EXOC6: variants seen among roughly 807,000 people sequenced by gnomAD.
EXOC6 encodes exocyst complex component 6.
EXOC6 carries 60 observed loss-of-function variants against 112.5 expected under a neutral mutation model. The observed-to-expected ratio is 0.53, with a 90% CI of 0.43 to 0.66. The LOEUF (loss-of-function observed/expected upper bound fraction) is 0.66, where lower values mean the gene tolerates loss of function less well. Among genes scored for constraint, EXOC6 ranks in the 30% least tolerant of loss-of-function variants. The pLI is 0.00. For missense variants in EXOC6, 855 were observed against 957.1 expected (o/e 0.89, Z 1.41); for synonymous variants, 295 against 308.0 (o/e 0.96, Z 0.44).
chr10:92,954,019 G>T (rs1015108717), intron 15 of EXOC6, among the ~76,000 whole-genome samples: 1 of 152,140 alleles, frequency 6.6e-6, no homozygotes, highest in Non-Finnish European at 1.5e-5. Context: ...GGTGCCTGAC[G>T]TCTGTAATCC....
chr10:92,994,065 C>A (rs1353626708), intron 18 of EXOC6, among the ~76,000 whole-genome samples: 3 of 152,224 alleles, frequency 2.0e-5, no homozygotes, highest in Admixed American at 2.0e-4. Flanking sequence ...AGTCTGACAT[C>A]AGGTCTTTGA....
intron 20 of EXOC6, among the ~76,000 whole-genome samples, chr10:93,039,736 T>C (rs1441188692): frequency 1.3e-5 from 2 of 152,238 alleles, no homozygotes; most frequent in Non-Finnish European, 2.9e-5. Context: ...TTTTCCTGTT[T>C]CATTCACTCC....
intron 20 of EXOC6, among the ~76,000 whole-genome samples, chr10:93,024,107 A>G (rs1251576534): frequency 6.6e-6 from 1 of 152,170 alleles, no homozygotes; most frequent in African/African-American, 2.4e-5. Context: ...TCTTTAACTG[A>G]TCCTGTTGCA....
In EXOC6 at chr10:92,896,196, T is replaced by A. The variant is rs1472320806; in HGVS notation, c.412+1176T>A. Among the ~76,000 whole-genome samples, 96 of 24,918 alleles carry A rather than the reference T, an allele frequency of 3.9e-3. 3 individuals are homozygous for A. Among genetic ancestry groups the A allele is most frequent in the Non-Finnish European group, 4.8e-3 (66 of 13,708 alleles). 16.3% of individuals were successfully genotyped at this position (24,918 alleles called of 152,430 possible). On this transcript the variant is annotated intron_variant, in intron 4 of 21. Coordinates refer to ENST00000260762, the MANE Select transcript of EXOC6 (RefSeq NM_019053.6). ...ATATATATATATTTTTTTTTTTTTT[T>A]TTTTTTTTTTTTTTTTTTTTTGGCG... is the stretch of plus-strand genomic sequence containing the variant.
At chr10:92,931,321 CAG>C (rs1333238989) in intron 9 of EXOC6, among the ~76,000 whole-genome samples, 2 of 150,050 alleles carry the variant, frequency 1.3e-5, no homozygotes, top group African/African-American at 4.9e-5. Context: ...CTAGAATAAA[CAG>C]AAAATAGAAC....
intron 4 of EXOC6, 93 bp from the exon 5 acceptor site, chr10:92,899,506 T>C (rs534694948): frequency 1.6e-5 from 13 of 832,220 alleles, no homozygotes; most frequent in African/African-American, 1.6e-4. Context: ...TCTAATGAAT[T>C]TGTAATATAC....
chr10:92,829,082 C>G (rs1210828875), intron 1 of EXOC6, among the ~76,000 whole-genome samples: 1 of 152,052 alleles, frequency 6.6e-6, no homozygotes, highest in South Asian at 2.1e-4. Context: ...TAGGGAAAGG[C>G]CACCTGGGAC....
chr10:92,969,637 T>C (rs1842202515), intron 17 of EXOC6, among the ~76,000 whole-genome samples: 1 of 152,158 alleles, frequency 6.6e-6, no homozygotes, highest in African/African-American at 2.4e-5. Flanking sequence ...ATGTAGTTAG[T>C]ATTAATTTGT....
chr10:92,948,573 C>CACTACCACTACTACT (rs1554900788), intron 14 of EXOC6, among the ~76,000 whole-genome samples, 194 bp downstream of exon 14: 2 of 140,174 alleles, frequency 1.4e-5, no homozygotes, highest in Admixed American at 7.4e-5. Flanking sequence ...CTACTACTAC[C>CACTACCACTACTACT]ACTACTACTA....
rs1488636044 is a variant in EXOC6 at position 93,017,199 on chromosome 10, G to C, written c.2169+2932G>C. ...TCTCCTCAAAAAGCAGTTTACAATT[G>C]GCTACAGTCCAAAATTTGCTTCTTG... On this transcript the variant is annotated intron_variant, in intron 20 of 21. Transcript: ENST00000260762. Among the ~76,000 whole-genome samples the C allele has an allele frequency of 2.6e-5, 4 of 151,910 alleles. No homozygotes were observed. In the East Asian group the frequency reaches 7.7e-4, roughly 29 times the overall value.
At chr10:92,966,477 C>T (rs1842063630) in intron 17 of EXOC6, among the ~76,000 whole-genome samples, 1 of 134,956 alleles carries the variant, frequency 7.4e-6, no homozygotes, top group Non-Finnish European at 1.6e-5. Context: ...GTGATGTTCC[C>T]CTTCCTGTGT....
chr10:92,981,993 A>G (rs1842842409), intron 18 of EXOC6, among the ~76,000 whole-genome samples: 1 of 151,970 alleles, frequency 6.6e-6, no homozygotes, highest in African/African-American at 2.4e-5. Context: ...GCACATGCCT[A>G]TAATCCCAGC....
chr10:92,880,220 C>T (rs1465779225), intron 1 of EXOC6, among the ~76,000 whole-genome samples: 2 of 152,166 alleles, frequency 1.3e-5, no homozygotes, highest in African/African-American at 2.4e-5. Context: ...TGTACTTTGT[C>T]ATCTCTAGAT....
At chr10:92,977,720 A>G (rs11187232) in intron 18 of EXOC6, among the ~76,000 whole-genome samples, 14,409 of 152,092 alleles carry the variant, frequency 0.095, 759 homozygotes, top group Admixed American at 0.17. Context: ...TTATGTTTTA[A>G]TATCTGTGTC....
chr10:92,939,751 G>A lies in EXOC6; in HGVS notation c.1213-976G>A, dbSNP rs780914192. Among the ~76,000 whole-genome samples the A allele has an allele frequency of 6.4e-4, 98 of 152,130 alleles. 1 individual carries two copies. The highest frequency in any genetic ancestry group is 4.3e-3 in the Admixed American group (65 of 15,274). On this transcript the variant is annotated intron_variant, in intron 12 of 21. Coordinates refer to ENST00000260762, the MANE Select transcript of EXOC6 (RefSeq NM_019053.6). The stretch of plus-strand genomic sequence containing the variant: ...AGAAGTTACACAAGGAAACTGGAAG[G>A]ATTGTTCATAGATGGAGAACAAGAA...
At chr10:92,897,081 C>G (rs1849867473) in intron 4 of EXOC6, among the ~76,000 whole-genome samples, 1 of 152,090 alleles carries the variant, frequency 6.6e-6, no homozygotes, top group Admixed American at 6.6e-5. Context: ...TGAAGATGTC[C>G]TCTAAGTTTG....
At chr10:92,851,945 G>A (rs1164401057) in intron 1 of EXOC6, among the ~76,000 whole-genome samples, 1 of 152,078 alleles carries the variant, frequency 6.6e-6, no homozygotes, top group Non-Finnish European at 1.5e-5. Flanking sequence ...GTGTGTGCCT[G>A]TGGTCCCAGC....
chr10:93,034,399 A>G (rs1433798609), intron 20 of EXOC6, among the ~76,000 whole-genome samples: 1 of 152,144 alleles, frequency 6.6e-6, no homozygotes, highest in Non-Finnish European at 1.5e-5. Context: ...TTATCCTTTT[A>G]TACATGGCCT....
Position 92,837,280 on chromosome 10 carries a change from C to T in EXOC6, c.86+2456C>T, listed in dbSNP as rs373131041. Among the ~76,000 whole-genome samples, 5 of 152,018 alleles carry T rather than the reference C, an allele frequency of 3.3e-5. No individual in the cohort carries two copies. The East Asian group carries it at 5.8e-4, about 18-fold the overall frequency. On this transcript the variant is annotated intron_variant, in intron 1 of 21. Transcript: ENST00000371552. ...ATACGAGCTCATGGGCTAATGGTGACGAAAATACTTACCTTTCTAATAAAA... is the reference window on the plus strand; with the variant it reads ...ATACGAGCTCATGGGCTAATGGTGATGAAAATACTTACCTTTCTAATAAAA...
Sources: gnomAD v4.1 joint callset for allele counts (sites outside exome capture counted in the v4.1 genomes callset) on GRCh38, gnomAD v4.1.1 for gene constraint, MANE v1.5 for transcripts, NCBI Gene and HGNC (gene_info 2026-07-23, HGNC 2026-07-21) for gene names.